The following CELF1 variants were observed in gnomAD, a reference collection of about 807,000 sequenced individuals.
CELF1 encodes the protein CUGBP Elav-like family member 1.
A neutral mutation model predicts 61.8 loss-of-function variants in CELF1; 10 were observed. The observed-to-expected ratio is 0.16, with a 90% CI of 0.10 to 0.27. The LOEUF (loss-of-function observed/expected upper bound fraction) is 0.27, where lower values mean the gene tolerates loss of function less well. CELF1 is among the 10% of genes least tolerant of loss of function. The probability of loss-of-function intolerance (pLI) is 1.00; values close to 1 mark genes in which losing one functional copy is unlikely to be tolerated. For synonymous variants in CELF1, 236 were observed against 225.1 expected (o/e 1.05, Z -0.43); for missense variants, 380 against 639.1 (o/e 0.59, Z 4.37).
At chr11:47,509,631 C>T (rs1198884607) in intron 1 of CELF1, among the ~76,000 whole-genome samples, 1 of 152,194 alleles carries the variant, frequency 6.6e-6, no homozygotes, top group African/African-American at 2.4e-5. Flanking sequence ...TGGTTCATGC[C>T]TGTAATCCCA....
At chr11:47,510,545 G>A (rs947489192) in intron 1 of CELF1, among the ~76,000 whole-genome samples, 10 of 152,036 alleles carry the variant, frequency 6.6e-5, no homozygotes, top group South Asian at 2.1e-4. Flanking sequence ...GGAATGCAGC[G>A]GTGTCATCTC....
intron 1 of CELF1, among the ~76,000 whole-genome samples, chr11:47,546,118 G>T (rs576724853): frequency 6.6e-6 from 1 of 151,762 alleles, no homozygotes; most frequent in East Asian, 1.9e-4. Context: ...CACCGTGTTA[G>T]CCAGGATGGT....
At position 47,508,675 on chromosome 11, in the gene CELF1, AACAC is replaced by A. The variant is rs10690121; in HGVS notation, c.-153-7747_-153-7744del. Among the ~76,000 whole-genome samples, 5 of 149,038 alleles carry A rather than the reference AACAC, an allele frequency of 3.4e-5. 1 individual carries two copies. Among genetic ancestry groups the A allele is most frequent in the South Asian group, 2.1e-4 (1 of 4,658 alleles). On this transcript the variant is annotated intron_variant, in intron 1 of 14. Transcript: ENST00000687097. ...CCAAGACTTTTTAAAGGAAACCTCA[AACAC>A]ACACACACACACACACACATAAATA...
At chr11:47,528,526 G>C (rs962991312) in intron 1 of CELF1, among the ~76,000 whole-genome samples, 4 of 152,106 alleles carry the variant, frequency 2.6e-5, no homozygotes, top group African/African-American at 9.7e-5. Flanking sequence ...CGAGGTGGGA[G>C]GACTGTTCAT....
chr11:47,538,286 A>G (rs1367800599), intron 1 of CELF1, among the ~76,000 whole-genome samples: 2 of 152,086 alleles, frequency 1.3e-5, no homozygotes, highest in African/African-American at 2.4e-5. Context: ...AGCTTTTTCT[A>G]TCCTACATTA....
intron 1 of CELF1, among the ~76,000 whole-genome samples, chr11:47,506,214 CA>C (rs2153577292): frequency 6.6e-6 from 1 of 151,052 alleles, no homozygotes; most frequent in South Asian, 2.1e-4. Context: ...ATCACAAGGT[CA>C]AGAGATAGAG....
chr11:47,481,142 C>T (rs1283004959), intron 9 of CELF1, among the ~76,000 whole-genome samples: 7 of 98,116 alleles, frequency 7.1e-5, no homozygotes, highest in African/African-American at 2.4e-4. Flanking sequence ...GACAGAGTCT[C>T]GCTCTATTGC....
chr11:47,539,661 A>C (rs1248701910), intron 1 of CELF1, among the ~76,000 whole-genome samples: 2 of 152,204 alleles, frequency 1.3e-5, no homozygotes, highest in Non-Finnish European at 2.9e-5. Context: ...TGAAAATAAC[A>C]GAAAGCTTAC....
intron 1 of CELF1, among the ~76,000 whole-genome samples, chr11:47,539,916 A>C (rs2096732589): frequency 1.3e-5 from 2 of 152,360 alleles, no homozygotes; most frequent in Non-Finnish European, 2.9e-5. Flanking sequence ...CCAGCATCTG[A>C]TTTTATGTCC....
intron 1 of CELF1, among the ~76,000 whole-genome samples, chr11:47,552,507 G>A (rs1439929768): frequency 4.6e-5 from 7 of 152,236 alleles, no homozygotes; most frequent in Admixed American, 2.6e-4. Context: ...GGGCTCTCGA[G>A]GCTCGGGAAA....
chr11:47,497,011 C>T (rs2093244633), intron 3 of CELF1, among the ~76,000 whole-genome samples: 1 of 152,208 alleles, frequency 6.6e-6, no homozygotes, highest in Admixed American at 6.5e-5. Context: ...AGATTAGCAC[C>T]CAGTCTCAGC....
At position 47,469,775 on chromosome 11, in the gene CELF1, T is replaced by G. The variant is rs936634970; in HGVS notation, c.*2455A>C. ...ATCAGCAGGTATGAAGCCCTCAGGG[T>G]CTGGTATCAAAGGTGGGTGGATTGC... On this transcript the variant is annotated 3_prime_UTR_variant, in exon 15 of 15. Transcript: ENST00000687097. 6.6e-6 allele frequency: 1 copy of G among 152,092 alleles called. No homozygotes were observed. Among genetic ancestry groups the G allele is most frequent in the African/African-American group, 2.4e-5 (1 of 41,388 alleles). 9.4% of individuals were successfully genotyped at this position (152,092 alleles called of 1,614,324 possible).
chr11:47,556,677 C>G (rs956750304), upstream of CELF1, among the ~76,000 whole-genome samples: 1 of 152,080 alleles, frequency 6.6e-6, no homozygotes, highest in African/African-American at 2.4e-5. Flanking sequence ...TCAAAACCAG[C>G]CCAGGCAACA....
Position 47,484,444 on chromosome 11 carries a change from C to A in CELF1, c.471G>T (p.Ser157=), listed in dbSNP as rs775903653. The change falls in exon 7 of 15, where the codon TCG becomes TCT. Residue 157 remains serine (S), a synonymous_variant. Transcript: ENST00000687097. ...TENDIRVMFS[S]FGQIEECRIL... ...TCCGGCATTCTTCAATCTGTCCAAA[C>A]GAAGAGAACATGACTCGGATGTCAT... 3 of 1,613,922 alleles carry A rather than the reference C, an allele frequency of 1.9e-6. No individual in the cohort carries two copies. The highest frequency in any genetic ancestry group is 1.7e-6 in the Non-Finnish European group (2 of 1,179,950).
chr11:47,480,377 G>A (rs1407485892), intron 9 of CELF1, among the ~76,000 whole-genome samples: 1 of 152,142 alleles, frequency 6.6e-6, no homozygotes, highest in Non-Finnish European at 1.5e-5. Flanking sequence ...ATAAGCCACC[G>A]CGCCTGGCCT....
Position 47,476,886 on chromosome 11 carries a change from T to C in CELF1, c.1047A>G (p.Leu349=), listed in dbSNP as rs1447761139. Residue 349 remains leucine (L), a synonymous_variant, in exon 12 of 15, where the codon TTA becomes TTG. Coordinates refer to ENST00000687097, the MANE Select transcript of CELF1 (RefSeq NM_001376376.1). ...CATTGAGGCCAGCCGTTGCTCCAGC[T>C]AATGTCTGCAGGGCTCCAAGTGAGG... ...PIASLGALQT[L]AGATAGLNVG... 1 of 1,614,218 alleles carries C rather than the reference T, an allele frequency of 6.2e-7. No homozygotes were observed. The highest frequency in any genetic ancestry group is 8.5e-7 in the Non-Finnish European group (1 of 1,180,018).
At chr11:47,513,458 C>A (rs1037062829) in intron 1 of CELF1, 2 of 140,358 alleles carry the variant, frequency 1.4e-5, no homozygotes, top group Admixed American at 1.4e-4. Context: ...GTGGGCAGCA[C>A]CCCCTCTTTT....
Position 47,521,547 on chromosome 11 carries a change from CCT to C in CELF1, c.-153-20617_-153-20616del, listed in dbSNP as rs1385741402. ...AAATTGTTTAACTTCTTCATAAATA[CCT>C]CTGTTTCTTCATGCACAAAATGGTT... On this transcript the variant is annotated intron_variant, in intron 1 of 14. Transcript: ENST00000687097. Among the ~76,000 whole-genome samples, 4 of 152,350 alleles carry C rather than the reference CCT, an allele frequency of 2.6e-5. No homozygotes were observed. The South Asian group carries it at 6.2e-4, about 24-fold the overall frequency.
At chr11:47,507,708 A>G (rs940227859) in intron 1 of CELF1, among the ~76,000 whole-genome samples, 2 of 152,186 alleles carry the variant, frequency 1.3e-5, no homozygotes, top group African/African-American at 4.8e-5. Flanking sequence ...TGGAAAGTAC[A>G]AGAATTCTGA....
Sources: allele counts gnomAD v4.1 joint callset (sites outside exome capture counted in the v4.1 genomes callset), GRCh38; gene constraint gnomAD v4.1.1; transcripts MANE v1.5; gene names NCBI Gene and HGNC (gene_info 2026-07-23, HGNC 2026-07-21).